PLCB1: variants seen among roughly 807,000 people sequenced by gnomAD.
The protein encoded by PLCB1 is phospholipase C beta 1, also known as 1-phosphatidylinositol 4,5-bisphosphate phosphodiesterase beta-1.
In PLCB1, 46 loss-of-function variants were observed where a neutral mutation model predicts 161.8. That is an observed-to-expected ratio of 0.28 (90% confidence interval 0.22 to 0.36). The LOEUF is 0.36. PLCB1 is among the 10% of genes least tolerant of loss of function. The probability of loss-of-function intolerance (pLI) is 1.00; values close to 1 mark genes in which losing one functional copy is unlikely to be tolerated. For synonymous variants in PLCB1, 517 were observed against 503.7 expected, an observed-to-expected ratio of 1.03 and a Z score of -0.35; for missense variants, 1,016 against 1,472.5, an observed-to-expected ratio of 0.69 and a Z score of 5.07.
intron 3 of PLCB1, chr20:8,600,844 G>A (rs1465701125): frequency 6.6e-6 from 1 of 152,392 alleles, no homozygotes; most frequent in Non-Finnish European, 1.5e-5. Flanking sequence ...CAGTATTCGG[G>A]TGGGAGTGAC....
chr20:8,220,694 A>G (rs1302373815), intron 2 of PLCB1, among the ~76,000 whole-genome samples: 1 of 152,212 alleles, frequency 6.6e-6, no homozygotes, highest in Admixed American at 6.5e-5. Flanking sequence ...GGCCCTGCTG[A>G]CAACTTGAGC....
chr20:8,405,491 C>T (rs1412015324), intron 3 of PLCB1, among the ~76,000 whole-genome samples: 2 of 152,110 alleles, frequency 1.3e-5, no homozygotes, highest in South Asian at 2.1e-4. Context: ...AGTTTTCCCC[C>T]GATTTAGCAG....
chr20:8,387,359 A>C (rs1353555929), intron 3 of PLCB1, among the ~76,000 whole-genome samples: 1 of 152,186 alleles, frequency 6.6e-6, no homozygotes, highest in Non-Finnish European at 1.5e-5. Flanking sequence ...CTCAGAGAAA[A>C]GGGTGGCCCC....
intron 2 of PLCB1, among the ~76,000 whole-genome samples, chr20:8,180,897 G>A (rs1015325840): frequency 6.6e-6 from 1 of 151,696 alleles, no homozygotes; most frequent in Non-Finnish European, 1.5e-5. Flanking sequence ...ATTTAAAAAA[G>A]GAATTGCATT....
intron 31 of PLCB1, among the ~76,000 whole-genome samples, chr20:8,796,058 G>A (rs1005282459): frequency 2.0e-5 from 3 of 152,112 alleles, no homozygotes; most frequent in Non-Finnish European, 4.4e-5. Flanking sequence ...GTCAATAAAT[G>A]TGTAATTTAC....
intron 2 of PLCB1, among the ~76,000 whole-genome samples, chr20:8,269,550 T>C (rs1440804417): frequency 3.3e-5 from 5 of 152,326 alleles, no homozygotes; most frequent in Non-Finnish European, 5.9e-5. Context: ...CCGATGCAAC[T>C]ACCTAATGCC....
chr20:8,703,769 A>T (rs1978503775), intron 11 of PLCB1, among the ~76,000 whole-genome samples: 1 of 152,126 alleles, frequency 6.6e-6, no homozygotes, highest in Non-Finnish European at 1.5e-5. Flanking sequence ...GTGGGAAGAG[A>T]GAATGAAACC....
intron 2 of PLCB1, among the ~76,000 whole-genome samples, chr20:8,263,609 A>G (rs1359490197): frequency 2.0e-5 from 3 of 152,140 alleles, no homozygotes; most frequent in Admixed American, 6.6e-5. Context: ...AGAGACTACT[A>G]CATACCTAAA....
At chr20:8,524,107 T>C (rs1984488440) in intron 3 of PLCB1, among the ~76,000 whole-genome samples, 1 of 145,870 alleles carries the variant, frequency 6.9e-6, no homozygotes, top group South Asian at 2.1e-4. Flanking sequence ...TTTATTTCAA[T>C]GCTATGTATT....
At chr20:8,184,986 C>T (rs2051887312) in intron 2 of PLCB1, among the ~76,000 whole-genome samples, 2 of 151,908 alleles carry the variant, frequency 1.3e-5, no homozygotes, top group Admixed American at 1.3e-4. Context: ...GTTCCCCTCC[C>T]TGTGTCCACG....
At chr20:8,578,619 A>G (rs757618510) in intron 3 of PLCB1, among the ~76,000 whole-genome samples, 1 of 152,254 alleles carries the variant, frequency 6.6e-6, no homozygotes, top group Non-Finnish European at 1.5e-5. Flanking sequence ...CAGACGATAG[A>G]TGGAATTCTT....
At chr20:8,493,295 A>G (rs1983024526) in intron 3 of PLCB1, among the ~76,000 whole-genome samples, 1 of 152,228 alleles carries the variant, frequency 6.6e-6, no homozygotes, top group Admixed American at 6.5e-5. Context: ...GCAAACATGA[A>G]CACTGACTTA....
chr20:8,482,092 A>ATTTTT (rs199634903), intron 3 of PLCB1, among the ~76,000 whole-genome samples: 1,782 of 104,550 alleles, frequency 0.017, 137 homozygotes, highest in Non-Finnish European at 0.025. Flanking sequence ...GCTTGAAGGA[A>ATTTTT]TTTTTTTTTT....
chr20:8,512,802 C>T (rs1983947379), intron 3 of PLCB1, among the ~76,000 whole-genome samples: 1 of 152,100 alleles, frequency 6.6e-6, no homozygotes, highest in Non-Finnish European at 1.5e-5. Context: ...CTTTGTGGTA[C>T]AAACATTTCA....
At chr20:8,516,111 T>G (rs1283851465) in intron 3 of PLCB1, among the ~76,000 whole-genome samples, 1 of 152,108 alleles carries the variant, frequency 6.6e-6, no homozygotes. Flanking sequence ...CCCTCCCCCC[T>G]GATTCAGTTA....
At chr20:8,617,778 T>C (rs1361769313) in intron 3 of PLCB1, among the ~76,000 whole-genome samples, 1 of 152,174 alleles carries the variant, frequency 6.6e-6, no homozygotes, top group Non-Finnish European at 1.5e-5. Context: ...CTAAACCACA[T>C]TTCTTCTAAA....
chr20:8,377,091 C>T (rs1987112689), intron 3 of PLCB1, among the ~76,000 whole-genome samples: 1 of 152,074 alleles, frequency 6.6e-6, no homozygotes, highest in Admixed American at 6.5e-5. Context: ...GTAGACCTAT[C>T]AGCAGGTTCC....
chr20:8,861,209 A>G lies in PLCB1; in HGVS notation c.3424-20413A>G, dbSNP rs147324825. On this transcript the variant is annotated intron_variant, in intron 31 of 31. Coordinates refer to ENST00000338037, the MANE Select transcript of PLCB1 (RefSeq NM_015192.4). ...CTTAAAAAATGTTGGTTGTATTTGT[A>G]TCCCAAGTAGGAAATGCAAACATAC... Among the ~76,000 whole-genome samples the G allele has an allele frequency of 2.8e-3, 419 of 152,316 alleles. 4 individuals carry two copies. Among genetic ancestry groups the G allele is most frequent in the African/African-American group, 9.4e-3 (390 of 41,584 alleles).
intron 12 of PLCB1, among the ~76,000 whole-genome samples, chr20:8,715,603 A>G (rs956589058): frequency 6.6e-6 from 1 of 152,164 alleles, no homozygotes; most frequent in African/African-American, 2.4e-5. Flanking sequence ...TCAGAATGAT[A>G]CCACCTTTGC....
Sources: allele counts gnomAD v4.1 joint callset (sites outside exome capture counted in the v4.1 genomes callset), GRCh38; gene constraint gnomAD v4.1.1; transcripts MANE v1.5; gene names NCBI Gene and HGNC (gene_info 2026-07-23, HGNC 2026-07-21).